Variants in NRF1 observed in about 807,000 individuals in gnomAD.
NRF1 encodes the protein alpha palindromic-binding protein.
A neutral mutation model predicts 58.5 loss-of-function variants in NRF1; 5 were observed. The observed-to-expected ratio is 0.09, with a 90% CI of 0.04 to 0.18. The LOEUF is 0.18. Among genes scored for constraint, NRF1 ranks in the 10% least tolerant of loss-of-function variants. The probability of loss-of-function intolerance (pLI) is 1.00; values close to 1 mark genes in which losing one functional copy is unlikely to be tolerated. For synonymous variants in NRF1, 224 were observed against 246.7 expected, an observed-to-expected ratio of 0.91 and a Z score of 0.86; for missense variants, 288 against 657.7, an observed-to-expected ratio of 0.44 and a Z score of 6.15.
Position 129,711,547 on chromosome 7 carries a change from G to A in NRF1, c.1036G>A (p.Val346Met). 6.2e-7 allele frequency: 1 copy of A among 1,612,324 alleles called. No homozygotes were observed. Among genetic ancestry groups the A allele is most frequent in the Non-Finnish European group, 8.5e-7 (1 of 1,179,188 alleles). Reference protein sequence around the residue: ...ELPTTVTVAQVNYSAVADGEV... With the variant: ...ELPTTVTVAQMNYSAVADGEV... Reference sequence around the variant, plus strand: ...GCCAACCACGGTCACCGTTGCCCAAGTGAATTATTCTGCCGTGGCTGATGG... The same window carrying A: ...GCCAACCACGGTCACCGTTGCCCAAATGAATTATTCTGCCGTGGCTGATGG... Residue 346 changes from valine (V) to methionine (M), a missense_variant, in exon 8 of 11, where the codon GTG becomes ATG. Around this residue, in one of 3 missense-constraint regions of NRF1, gnomAD observed 212 missense variants for 559.7 expected, o/e 0.38. Transcript: ENST00000393232.
In NRF1 at chr7:129,735,235, T is replaced by A. The variant is rs190028223; in HGVS notation, c.1348+7870T>A. On this transcript the variant is annotated intron_variant, in intron 10 of 10. Transcript: ENST00000393232. ...TGAAGAGAAATGGACTGGAGGGCTGTTTAAAAATTAAAGCTGCTGGGTGCG... is the reference window on the plus strand; with the variant it reads ...TGAAGAGAAATGGACTGGAGGGCTGATTAAAAATTAAAGCTGCTGGGTGCG... 4.4e-3 allele frequency: 4,316 copies of A among 985,406 alleles called. 13 individuals are homozygous for A. Among genetic ancestry groups the A allele is most frequent in the Non-Finnish European group, 4.9e-3 (4,082 of 829,918 alleles). The allele number at this position is 985,406 out of a possible 1,614,324, so 61.0% of individuals were successfully genotyped here.
chr7:129,627,850 A>G (rs976988487), intron 1 of NRF1, among the ~76,000 whole-genome samples: 3 of 151,988 alleles, frequency 2.0e-5, no homozygotes, highest in Non-Finnish European at 4.4e-5. Context: ...TAAATGAATG[A>G]CTCATTTTGA....
intron 1 of NRF1, among the ~76,000 whole-genome samples, chr7:129,642,776 TA>T (rs1801322843): frequency 7.3e-6 from 1 of 137,066 alleles, no homozygotes; most frequent in Non-Finnish European, 1.5e-5. Context: ...TTTTTTTTTT[TA>T]AATGAGATAG....
At chr7:129,642,757 A>ATTT (rs1186472112) in intron 1 of NRF1, among the ~76,000 whole-genome samples, 2 of 109,748 alleles carry the variant, frequency 1.8e-5, no homozygotes, top group Non-Finnish European at 1.8e-5. Flanking sequence ...TCTTTAAAAA[A>ATTT]TTTTTTTTTT....
intron 7 of NRF1, 97 bp downstream of exon 7, chr7:129,710,668 G>A (rs1803052197): frequency 1.2e-5 from 9 of 725,846 alleles, no homozygotes; most frequent in Non-Finnish European, 2.0e-5. Flanking sequence ...GCGAACTCTT[G>A]TATGAACTTT....
At chr7:129,670,584 A>G (rs986595316) in intron 2 of NRF1, among the ~76,000 whole-genome samples, 1 of 152,210 alleles carries the variant, frequency 6.6e-6, no homozygotes, top group Non-Finnish European at 1.5e-5. Flanking sequence ...GAGCAATTTA[A>G]TTTTTATTTA....
intron 1 of NRF1, among the ~76,000 whole-genome samples, 158 bp downstream of exon 1, chr7:129,611,982 G>C (rs1382323604): frequency 2.7e-5 from 4 of 148,698 alleles, no homozygotes; most frequent in Admixed American, 1.3e-4. Context: ...CTCGGGCGGG[G>C]GGCCCCGGCC....
At chr7:129,735,198 T>G in intron 10 of NRF1, 2 of 985,378 alleles carry the variant, frequency 2.0e-6, no homozygotes, top group Non-Finnish European at 2.4e-6. Context: ...CCCTCCCTCC[T>G]CATGTTCTGA....
intron 3 of NRF1, among the ~76,000 whole-genome samples, chr7:129,676,582 A>G (rs931431420): frequency 5.9e-5 from 9 of 152,246 alleles, no homozygotes; most frequent in African/African-American, 2.2e-4. Flanking sequence ...TTTTGTGGGC[A>G]CTGTCGTGCC....
intron 1 of NRF1, among the ~76,000 whole-genome samples, chr7:129,653,713 G>A (rs1801589591): frequency 6.6e-6 from 1 of 152,156 alleles, no homozygotes; most frequent in South Asian, 2.1e-4. Context: ...AGAAGGCCAT[G>A]TAATTGGAAT....
chr7:129,722,386 C>A (rs147005213), intron 9 of NRF1, among the ~76,000 whole-genome samples: 3,890 of 149,914 alleles, frequency 0.026, 160 homozygotes, highest in African/African-American at 0.09. Context: ...AGCGAAACTC[C>A]GTCTCAGAAA....
chr7:129,656,679 C>T lies in NRF1; in HGVS notation c.-6-667C>T, dbSNP rs1307320480. 3.3e-5 allele frequency among the ~76,000 whole-genome samples: 5 copies of T among 150,680 alleles called. No homozygotes were observed. In the East Asian group the frequency reaches 7.8e-4, roughly 23 times the overall value. Reference sequence around the variant, plus strand: ...AACCTCTGCCTCCCGAGTTCAAGCACTTCTCCTGCCTCAGCCTCCCAAGTA... The same window carrying T: ...AACCTCTGCCTCCCGAGTTCAAGCATTTCTCCTGCCTCAGCCTCCCAAGTA... On this transcript the variant is annotated intron_variant, in intron 1 of 10. Transcript: ENST00000393232.
At chr7:129,639,780 T>G (rs10279678) in intron 1 of NRF1, among the ~76,000 whole-genome samples, 28,332 of 152,168 alleles carry the variant, frequency 0.19, 2,887 homozygotes, top group East Asian at 0.47. Flanking sequence ...ACTCCTGGCC[T>G]CAGGTGATCC....
At chr7:129,672,038 T>C (rs923723464) in intron 3 of NRF1, among the ~76,000 whole-genome samples, 2 of 151,948 alleles carry the variant, frequency 1.3e-5, no homozygotes, top group African/African-American at 2.4e-5. Context: ...TTGAAGGTGC[T>C]GAAAGAGCAC....
chr7:129,729,320 AC>A (rs1355732517), intron 10 of NRF1, among the ~76,000 whole-genome samples: 3 of 152,178 alleles, frequency 2.0e-5, no homozygotes, highest in African/African-American at 7.2e-5. Flanking sequence ...ACTATTGATT[AC>A]TGGAAGCTGC....
At position 129,671,028 on chromosome 7, in the gene NRF1, A is replaced by C. The variant is rs183225991; in HGVS notation, c.224-401A>C. Among the ~76,000 whole-genome samples the C allele has an allele frequency of 2.6e-5, 4 of 152,336 alleles. No individual in the cohort carries two copies. In the East Asian group the frequency reaches 7.7e-4, roughly 29 times the overall value. On this transcript the variant is annotated intron_variant, in intron 2 of 10. Coordinates refer to ENST00000393232, the MANE Select transcript of NRF1 (RefSeq NM_005011.5). ...AATGGAAACAGGGGTACAGGGATAG[A>C]AGTAAATACTGAAATCTGTAAATTT...
chr7:129,751,180 G>A (rs1305277496), intron 10 of NRF1, among the ~76,000 whole-genome samples: 2 of 152,220 alleles, frequency 1.3e-5, no homozygotes, highest in Non-Finnish European at 2.9e-5. Flanking sequence ...GTGTGTGCTT[G>A]GAGAACCTCA....
At chr7:129,648,982 T>C (rs767654095) in intron 1 of NRF1, among the ~76,000 whole-genome samples, 5 of 152,002 alleles carry the variant, frequency 3.3e-5, no homozygotes, top group African/African-American at 7.3e-5. Context: ...TTTCCATGTC[T>C]GATATCATCA....
At chr7:129,714,264 G>A (rs1225620353) in intron 8 of NRF1, among the ~76,000 whole-genome samples, 1 of 152,156 alleles carries the variant, frequency 6.6e-6, no homozygotes, top group African/African-American at 2.4e-5. Context: ...GTATATGGCA[G>A]CATTCTAATG....
Sources: allele counts gnomAD v4.1 joint callset (sites outside exome capture counted in the v4.1 genomes callset), GRCh38; gene constraint gnomAD v4.1.1; regional missense constraint gnomAD v4.1.1; transcripts MANE v1.5; gene names NCBI Gene and HGNC (gene_info 2026-07-23, HGNC 2026-07-21).